Variants in WDR70 observed in about 807,000 individuals in gnomAD.
WDR70 encodes the protein WD repeat-containing protein 70.
A neutral mutation model predicts 88.6 loss-of-function variants in WDR70; 53 were observed. The observed-to-expected ratio is 0.60, with a 90% CI of 0.48 to 0.75. The LOEUF (loss-of-function observed/expected upper bound fraction) is 0.75, where lower values mean the gene tolerates loss of function less well. Ranked by LOEUF, WDR70 falls within the 30% of genes least tolerant of loss-of-function variation. The probability of loss-of-function intolerance (pLI) is 0.00; values close to 1 mark genes in which losing one functional copy is unlikely to be tolerated. For missense variants in WDR70, 610 were observed against 823.2 expected (o/e 0.74, Z 3.17); for synonymous variants, 280 against 270.0 (o/e 1.04, Z -0.36).
At chr5:37,484,035 AT>A (rs1366790433) in intron 8 of WDR70, among the ~76,000 whole-genome samples, 1 of 120,002 alleles carries the variant, frequency 8.3e-6, no homozygotes, top group African/African-American at 3.3e-5. Flanking sequence ...CCTAGACGGG[AT>A]GGCGGCCGGG....
chr5:37,677,887 C>A (rs1192347191), intron 10 of WDR70, among the ~76,000 whole-genome samples: 1 of 152,086 alleles, frequency 6.6e-6, no homozygotes, highest in Admixed American at 6.5e-5. Flanking sequence ...GTAGGTCACT[C>A]AGGACTTGCT....
At chr5:37,506,561 G>A in intron 8 of WDR70, 2 of 773,074 alleles carry the variant, frequency 2.6e-6, no homozygotes, top group East Asian at 2.4e-5. Flanking sequence ...TAGTTGTAAA[G>A]TACCTCCCTC....
At chr5:37,525,592 C>T (rs1051456578) in intron 9 of WDR70, among the ~76,000 whole-genome samples, 3 of 152,028 alleles carry the variant, frequency 2.0e-5, no homozygotes, top group South Asian at 2.1e-4. Context: ...AGAGCAAACA[C>T]ATTCAAAAGC....
chr5:37,579,048 T>C (rs1172335687), intron 9 of WDR70, among the ~76,000 whole-genome samples: 1 of 152,206 alleles, frequency 6.6e-6, no homozygotes, highest in East Asian at 1.9e-4. Context: ...TTAAGAGAAA[T>C]ACTGGAATGA....
At chr5:37,650,029 G>A (rs1218446184) in intron 10 of WDR70, among the ~76,000 whole-genome samples, 30 of 55,648 alleles carry the variant, frequency 5.4e-4, no homozygotes, top group African/African-American at 9.9e-4. Flanking sequence ...GAGCCACTGC[G>A]CCCGGCCTAT....
intron 10 of WDR70, among the ~76,000 whole-genome samples, chr5:37,619,276 TAA>T (rs11314714): frequency 0.025 from 3,561 of 140,502 alleles, 118 homozygotes; most frequent in African/African-American, 0.085. Flanking sequence ...CCCTAATTCT[TAA>T]AAAAAAAAAA....
At position 37,507,142 on chromosome 5, in the gene WDR70, G is replaced by A. The variant is rs545094003; in HGVS notation, c.841-9372G>A. The stretch of plus-strand genomic sequence containing the variant: ...ACTTTTTTTTTTCTTTTTAAAAATG[G>A]CTTTGACTATTCTAATTTCTTTACT... On this transcript the variant is annotated intron_variant, in intron 8 of 17. Transcript: ENST00000265107. Among the ~76,000 whole-genome samples the A allele has an allele frequency of 3.3e-5, 5 of 151,936 alleles. No individual in the cohort carries two copies. The South Asian group carries it at 1.0e-3, about 32-fold the overall frequency.
chr5:37,419,833 A>G (rs2111987497), intron 5 of WDR70, among the ~76,000 whole-genome samples: 1 of 152,048 alleles, frequency 6.6e-6, no homozygotes, highest in South Asian at 2.1e-4. Context: ...AATTTAGTGC[A>G]ATTATATTTT....
chr5:37,534,138 C>G lies in WDR70; in HGVS notation c.917+17548C>G, dbSNP rs114323509. ...GACTCTTTGCAGACACACCCTAGTA[C>G]CAGCCTGAAGTTCTGCTCAATACTG... On this transcript the variant is annotated intron_variant, in intron 9 of 17. Transcript: ENST00000265107. Among the ~76,000 whole-genome samples the G allele has an allele frequency of 1.3e-3, 196 of 152,272 alleles. 1 individual carries two copies. The highest frequency in any genetic ancestry group is 4.6e-3 in the African/African-American group (191 of 41,548).
intron 10 of WDR70, among the ~76,000 whole-genome samples, chr5:37,675,969 C>G (rs1402848797): frequency 1.3e-5 from 2 of 151,618 alleles, no homozygotes; most frequent in Non-Finnish European, 2.9e-5. Flanking sequence ...AAGTTGGATT[C>G]CTAGGTATTT....
rs1748964322 is a variant in WDR70, at chr5:37,394,996, G to C, written c.297-1379G>C. On this transcript the variant is annotated intron_variant, in intron 4 of 17. Transcript: ENST00000265107. ...TTCCGTCAGTAGATATTGAGTGCCT[G>C]TTATAGGTGAAGCATTTTTTAGATG... is the stretch of plus-strand genomic sequence containing the variant. 3.3e-5 allele frequency among the ~76,000 whole-genome samples: 5 copies of C among 152,178 alleles called. No individual in the cohort carries two copies. In the South Asian group the frequency reaches 1.0e-3, roughly 31 times the overall value.
intron 10 of WDR70, among the ~76,000 whole-genome samples, chr5:37,638,256 G>T (rs1369675963): frequency 1.3e-5 from 2 of 152,062 alleles, no homozygotes; most frequent in Non-Finnish European, 2.9e-5. Flanking sequence ...ATATTTTTCA[G>T]CACTTCAAGT....
chr5:37,437,161 CG>C (rs1378363162), intron 5 of WDR70, among the ~76,000 whole-genome samples: 1 of 152,112 alleles, frequency 6.6e-6, no homozygotes, highest in Non-Finnish European at 1.5e-5. Context: ...GAGAAGAGAC[CG>C]TGTCTGCTGC....
At chr5:37,569,265 A>G (rs902113283) in intron 9 of WDR70, among the ~76,000 whole-genome samples, 4 of 152,208 alleles carry the variant, frequency 2.6e-5, no homozygotes, top group African/African-American at 9.6e-5. Context: ...TCAGTGTCTA[A>G]CTTCTACATA....
At chr5:37,605,513 T>G (rs1471328235) in intron 10 of WDR70, among the ~76,000 whole-genome samples, 1 of 146,140 alleles carries the variant, frequency 6.8e-6, no homozygotes, top group Non-Finnish European at 1.5e-5. Context: ...ATAGTGCAGC[T>G]TATTATATGG....
At chr5:37,400,500 A>ATT (rs1255322421) in intron 5 of WDR70, among the ~76,000 whole-genome samples, 1 of 152,142 alleles carries the variant, frequency 6.6e-6, no homozygotes, top group Non-Finnish European at 1.5e-5. Context: ...TAGTGTCTTT[A>ATT]TAAAAAGAGT....
intron 8 of WDR70, among the ~76,000 whole-genome samples, chr5:37,499,630 G>A (rs1233926210): frequency 1.6e-5 from 1 of 63,284 alleles, no homozygotes; most frequent in Non-Finnish European, 2.8e-5. Flanking sequence ...TCTCTCTCTC[G>A]TCTCGGTTCA....
At chr5:37,557,900 T>TATACTCTTTTGA (rs1468904741) in intron 9 of WDR70, among the ~76,000 whole-genome samples, 2 of 128 alleles carry the variant, frequency 0.016, no homozygotes, top group African/African-American at 0.048. Context: ...TCTTCAGATT[T>TATACTCTTTTGA]ATACTCTTTT....
At chr5:37,581,830 C>A (rs970506269) in intron 9 of WDR70, among the ~76,000 whole-genome samples, 2 of 152,146 alleles carry the variant, frequency 1.3e-5, no homozygotes, top group African/African-American at 4.8e-5. Context: ...ATCAGAATTT[C>A]GTCTGATAAA....
Sources: allele counts gnomAD v4.1 joint callset (sites outside exome capture counted in the v4.1 genomes callset), GRCh38; gene constraint gnomAD v4.1.1; transcripts MANE v1.5; gene names NCBI Gene and HGNC (gene_info 2026-07-23, HGNC 2026-07-21).